Variants in BCAS3 observed in about 807,000 individuals in gnomAD.
BCAS3 encodes BCAS3 microtubule associated cell migration factor.
Under a neutral mutation model 116.1 loss-of-function variants are expected in BCAS3, and 53 were observed. The observed-to-expected ratio is 0.46, with a 90% CI of 0.37 to 0.57. The LOEUF (loss-of-function observed/expected upper bound fraction) is 0.57, where lower values mean the gene tolerates loss of function less well. Ranked by LOEUF, BCAS3 falls within the 20% of genes least tolerant of loss-of-function variation. BCAS3 has a pLI of 0.00. For missense variants in BCAS3, 917 were observed against 1,165.4 expected (o/e 0.79, Z 3.10); for synonymous variants, 391 against 408.2 (o/e 0.96, Z 0.51).
intron 22 of BCAS3, among the ~76,000 whole-genome samples, chr17:61,150,932 CCTT>C (rs1435225089): frequency 6.6e-6 from 1 of 152,184 alleles, no homozygotes; most frequent in Admixed American, 6.5e-5. Context: ...CTTTTGCAAA[CCTT>C]CTTTTGTAGT....
At chr17:60,756,076 G>A (rs1349734503) in intron 6 of BCAS3, among the ~76,000 whole-genome samples, 2 of 149,812 alleles carry the variant, frequency 1.3e-5, no homozygotes, top group African/African-American at 2.4e-5. Context: ...TTGACATCAG[G>A]GACCTGTTTT....
chr17:60,848,548 G>T (rs1234423919), intron 7 of BCAS3, among the ~76,000 whole-genome samples: 1 of 152,028 alleles, frequency 6.6e-6, no homozygotes, highest in Non-Finnish European at 1.5e-5. Flanking sequence ...TTGCCTAATT[G>T]CTTTGCGTAG....
rs2057315885 is a variant in BCAS3, at chr17:61,343,440, C to T, written c.2426-24887C>T. Among the ~76,000 whole-genome samples, 1 of 152,200 alleles carries T rather than the reference C, an allele frequency of 6.6e-6. No homozygotes were observed. The highest frequency in any genetic ancestry group is 2.4e-5 in the African/African-American group (1 of 41,438). On this transcript the variant is annotated intron_variant, in intron 22 of 23. Coordinates refer to ENST00000407086, the MANE Select transcript of BCAS3 (RefSeq NM_017679.5). The surrounding 1 kb of genome is among the most constrained non-coding windows in gnomAD (Gnocchi z 5.5). ...TGGTTTATAGCAACAGGGAGTGCAT[C>T]AGAATCACCTGATGAGCTTTTTAAA...
In BCAS3 at chr17:60,821,354, A is replaced by C. The variant is rs115857484; in HGVS notation, c.476+13278A>C. Among the ~76,000 whole-genome samples, 267 of 152,340 alleles carry C rather than the reference A, an allele frequency of 1.8e-3. 2 individuals are homozygous for C. The highest frequency in any genetic ancestry group is 6.0e-3 in the African/African-American group (249 of 41,586). ...CATACATACATACATACATACATTT[A>C]ATTATTGTATAATTGAAATTCAATG... On this transcript the variant is annotated intron_variant, in intron 7 of 23. Coordinates refer to ENST00000407086, the MANE Select transcript of BCAS3 (RefSeq NM_017679.5).
intron 3 of BCAS3, among the ~76,000 whole-genome samples, chr17:60,684,916 A>G (rs565536522): frequency 1.3e-5 from 2 of 152,270 alleles, no homozygotes; most frequent in South Asian, 4.1e-4. Flanking sequence ...GCTGAGTGGG[A>G]AAAAAAGGAG....
intron 2 of BCAS3, among the ~76,000 whole-genome samples, chr17:60,681,461 C>T (rs184755771): frequency 1.2e-3 from 186 of 151,568 alleles, no homozygotes; most frequent in Non-Finnish European, 2.2e-3. Flanking sequence ...GATCGCACCA[C>T]TGCACTCCAG....
chr17:60,727,528 G>A (rs985163799), intron 5 of BCAS3: 11 of 1,343,698 alleles, frequency 8.2e-6, no homozygotes, highest in African/African-American at 6.0e-5. Flanking sequence ...ACGAGAAATG[G>A]CATCTGAGAC....
intron 22 of BCAS3, among the ~76,000 whole-genome samples, chr17:61,210,415 T>C (rs2081388251): frequency 6.6e-6 from 1 of 152,192 alleles, no homozygotes; most frequent in Non-Finnish European, 1.5e-5. Context: ...AATTTACCTT[T>C]ATAGTTTATG....
intron 22 of BCAS3, among the ~76,000 whole-genome samples, chr17:61,192,562 A>G (rs1432076388): frequency 6.6e-6 from 1 of 152,242 alleles, no homozygotes; most frequent in Non-Finnish European, 1.5e-5. Context: ...AATAGATGCC[A>G]GAAGGCAATG....
rs1347977953 is a variant in BCAS3 at position 60,990,027 on chromosome 17, G to A, written c.1278G>A (p.Arg426=). 5 of 1,613,994 alleles carry A rather than the reference G, an allele frequency of 3.1e-6. No homozygotes were observed. In the African/African-American group the frequency reaches 6.7e-5, roughly 22 times the overall value. Residue 426 remains arginine, a synonymous_variant, in exon 15 of 24, where the codon CGG becomes CGA. Transcript: ENST00000407086. The surrounding 1 kb of genome is among the most constrained non-coding windows in gnomAD (Gnocchi z 5.1). ...GCTGGGTTGTGGTCAGTACTCTCCG[G>A]GGTACTTCCCACGTTTTCCCCATCA... ...DCRWVVVSTL[R]GTSHVFPINP... is the part of the protein sequence containing the mutation.
chr17:60,887,548 C>A (rs1336347066), intron 9 of BCAS3: 1 of 152,178 alleles, frequency 6.6e-6, no homozygotes, highest in South Asian at 2.1e-4. Context: ...CACGTTCATT[C>A]CAGTCCAAAT....
At chr17:60,862,900 T>TA (rs1567736530) in intron 7 of BCAS3, among the ~76,000 whole-genome samples, 1 of 152,186 alleles carries the variant, frequency 6.6e-6, no homozygotes, top group African/African-American at 2.4e-5. Context: ...GTTAAACAGT[T>TA]AAAGTTTCAC....
At position 61,056,580 on chromosome 17, in the gene BCAS3, C is replaced by T. The variant is rs990281610; in HGVS notation, c.2029+15688C>T. Among the ~76,000 whole-genome samples the T allele has an allele frequency of 1.3e-5, 2 of 151,728 alleles. No homozygotes were observed. The highest frequency in any genetic ancestry group is 4.8e-5 in the African/African-American group (2 of 41,312). ...GGCTTTGTATTAACAAAGCCCTATT[C>T]CCCTTAGAACTTACTGATGTTGTGT... On this transcript the variant is annotated intron_variant, in intron 19 of 23. Coordinates refer to ENST00000407086, the MANE Select transcript of BCAS3 (RefSeq NM_017679.5). The surrounding 1 kb of genome is among the most constrained non-coding windows in gnomAD (Gnocchi z 4.9).
chr17:61,209,921 T>C (rs1030480755), intron 22 of BCAS3, among the ~76,000 whole-genome samples: 1 of 152,178 alleles, frequency 6.6e-6, no homozygotes, highest in Admixed American at 6.5e-5. Flanking sequence ...CTTTTCTGTT[T>C]CCTGTCCATT....
chr17:61,370,271 CTTT>C (rs67112430), intron 23 of BCAS3, among the ~76,000 whole-genome samples: 3 of 146,672 alleles, frequency 2.0e-5, no homozygotes, highest in African/African-American at 7.4e-5. Context: ...AGGAGACTCC[CTTT>C]TTTTTTTTTT....
chr17:61,166,252 C>T (rs562803578), intron 22 of BCAS3, among the ~76,000 whole-genome samples: 13 of 152,302 alleles, frequency 8.5e-5, no homozygotes, highest in Admixed American at 2.6e-4. Context: ...AGCTTCATCA[C>T]GGTCTTCCCT....
intron 22 of BCAS3, among the ~76,000 whole-genome samples, chr17:61,135,705 A>G (rs759151387): frequency 5.3e-5 from 8 of 152,234 alleles, no homozygotes; most frequent in Admixed American, 1.3e-4. Context: ...AGAAGATTTT[A>G]TGAAACCTGA....
intron 5 of BCAS3, chr17:60,720,045 A>G (rs1278996745): frequency 6.6e-6 from 1 of 152,232 alleles, no homozygotes; most frequent in Non-Finnish European, 1.5e-5. Flanking sequence ...CTTATAAGTA[A>G]TAAAGGGTTC....
intron 12 of BCAS3, among the ~76,000 whole-genome samples, chr17:60,921,983 T>C (rs562296943): frequency 6.6e-6 from 1 of 152,122 alleles, no homozygotes; most frequent in South Asian, 2.1e-4. Context: ...AAAACATTTT[T>C]TTCTTTTTTT....
Sources: gnomAD v4.1 joint callset for allele counts (sites outside exome capture counted in the v4.1 genomes callset) on GRCh38, gnomAD v4.1.1 for gene constraint, Gnocchi (gnomAD v3.1) non-coding constraint, MANE v1.5 for transcripts, NCBI Gene and HGNC (gene_info 2026-07-23, HGNC 2026-07-21) for gene names.